The following UNC13C variants were observed in gnomAD, a reference collection of about 807,000 sequenced individuals.
UNC13C encodes protein unc-13 homolog C.
In UNC13C, 174 loss-of-function variants were observed where a neutral mutation model predicts 245.4. The ratio of observed to expected loss-of-function variants is 0.71; its 90% CI spans 0.63 to 0.80. The LOEUF (loss-of-function observed/expected upper bound fraction) is 0.80, where lower values mean the gene tolerates loss of function less well. Among genes scored for constraint, UNC13C ranks in the 30% least tolerant of loss-of-function variants. The pLI is 0.00. For missense variants in UNC13C, 2,829 were observed against 2,602.9 expected, an observed-to-expected ratio of 1.09 and a Z score of -1.89; for synonymous variants, 992 against 895.1, an observed-to-expected ratio of 1.11 and a Z score of -1.93.
chr15:54,466,574 A>G (rs752356811), intron 19 of UNC13C, among the ~76,000 whole-genome samples: 49 of 151,906 alleles, frequency 3.2e-4, no homozygotes, highest in Admixed American at 2.6e-4. Context: ...AAGTAAATTG[A>G]TCTTGAGACA....
chr15:54,624,804 G>A (rs1172078615), intron 32 of UNC13C, among the ~76,000 whole-genome samples: 2 of 151,980 alleles, frequency 1.3e-5, no homozygotes, highest in Admixed American at 6.6e-5. Context: ...AGTAATTCCC[G>A]AAAACACTCA....
chr15:54,628,370 C>A lies in UNC13C; in HGVS notation c.*1257C>A, dbSNP rs893690905. ...CTACTTACAGAAGCAGAAACAAGAG[C>A]CTGTTATGATTGTGCTTTGTGAACA... On this transcript the variant is annotated 3_prime_UTR_variant, in exon 33 of 33. Coordinates refer to ENST00000260323, the MANE Select transcript of UNC13C (RefSeq NM_001080534.3). The A allele has an allele frequency of 6.6e-6, 1 of 152,272 alleles. No homozygotes were observed. The highest frequency in any genetic ancestry group is 1.5e-5 in the Non-Finnish European group (1 of 67,960). 9.4% of individuals were successfully genotyped at this position (152,272 alleles called of 1,614,324 possible).
the UNC13C span, among the ~76,000 whole-genome samples, chr15:53,895,461 G>C: frequency 1.3e-5 from 2 of 150,976 alleles, no homozygotes; most frequent in African/African-American, 4.9e-5. Context: ...GTAAATCTTA[G>C]AAGAGATCAT....
chr15:54,361,904 G>C (rs936615697), intron 17 of UNC13C, among the ~76,000 whole-genome samples: 1 of 146,198 alleles, frequency 6.8e-6, no homozygotes, highest in Admixed American at 6.7e-5. Context: ...TTGCTGTCCT[G>C]CTATTTTTTT....
At chr15:53,854,122 G>GTTTTTTTTTTT in the UNC13C span, among the ~76,000 whole-genome samples, 128 of 133,518 alleles carry the variant, frequency 9.6e-4, 4 homozygotes, top group East Asian at 2.4e-3. Context: ...GTTTTTATAG[G>GTTTTTTTTTTT]TTTTTTTTTT....
At chr15:54,455,199 CTCTCTCTATATA>C (rs1460042473) in intron 19 of UNC13C, among the ~76,000 whole-genome samples, 13 of 38,762 alleles carry the variant, frequency 3.4e-4, no homozygotes, top group African/African-American at 5.8e-4. Flanking sequence ...CTCTCTCTCT[CTCTCTCTATATA>C]TATATATATA....
At chr15:54,499,672 A>T (rs1362701364) in intron 20 of UNC13C, among the ~76,000 whole-genome samples, 1 of 152,172 alleles carries the variant, frequency 6.6e-6, no homozygotes, top group Admixed American at 6.6e-5. Context: ...ATAACTAAGG[A>T]GTCTGAGGTA....
At position 54,581,131 on chromosome 15, in the gene UNC13C, G is replaced by A. The variant is rs150740840; in HGVS notation, c.6106+13184G>A. On this transcript the variant is annotated intron_variant, in intron 30 of 32. Coordinates refer to ENST00000260323, the MANE Select transcript of UNC13C (RefSeq NM_001080534.3). ...TAAAGATAAAGAGTAGAGGCTTTCA[G>A]AAGGGGAGAGATGACTGTGATGGGA... Among the ~76,000 whole-genome samples the A allele has an allele frequency of 2.2e-3, 336 of 152,320 alleles. 2 individuals carry two copies. Among genetic ancestry groups the A allele is most frequent in the African/African-American group, 7.9e-3 (327 of 41,570 alleles).
At chr15:53,978,015 C>A (rs1048040358), upstream of UNC13C, among the ~76,000 whole-genome samples, 4 of 152,174 alleles carry the variant, frequency 2.6e-5, no homozygotes, top group Admixed American at 6.5e-5. Flanking sequence ...ATACAGGGTC[C>A]TGTTAGCTGC....
chr15:53,846,750 C>T, the UNC13C span, among the ~76,000 whole-genome samples: 1 of 152,080 alleles, frequency 6.6e-6, no homozygotes, highest in Non-Finnish European at 1.5e-5. Flanking sequence ...TATCCTAATC[C>T]AACTTATTTT....
At chr15:54,128,343 A>T (rs2031192090) in intron 2 of UNC13C, among the ~76,000 whole-genome samples, 1 of 152,182 alleles carries the variant, frequency 6.6e-6, no homozygotes, top group South Asian at 2.1e-4. Context: ...TTATATCCTT[A>T]ACTTATTTGC....
chr15:54,566,838 A>G (rs1897536860), intron 29 of UNC13C, among the ~76,000 whole-genome samples: 1 of 152,120 alleles, frequency 6.6e-6, no homozygotes, highest in African/African-American at 2.4e-5. Flanking sequence ...GCGTCTCTGA[A>G]TAATTTCTTG....
chr15:54,000,507 T>C (rs915860281), intron 1 of UNC13C, among the ~76,000 whole-genome samples: 1 of 152,096 alleles, frequency 6.6e-6, no homozygotes, highest in African/African-American at 2.4e-5. Flanking sequence ...AATCTAAGAG[T>C]AAAACCAATT....
chr15:54,320,676 C>A, intron 13 of UNC13C: 1 of 331,112 alleles, frequency 3.0e-6, no homozygotes, highest in Non-Finnish European at 5.8e-6. Flanking sequence ...GCTTCCTTGT[C>A]ACTTCTCTGG....
At chr15:53,881,107 C>T in the UNC13C span, among the ~76,000 whole-genome samples, 1 of 152,018 alleles carries the variant, frequency 6.6e-6, no homozygotes, top group African/African-American at 2.4e-5. Flanking sequence ...CATTTAAGGG[C>T]TGCATTAACT....
chr15:54,368,047 G>A (rs979315556), intron 17 of UNC13C, among the ~76,000 whole-genome samples: 1 of 152,090 alleles, frequency 6.6e-6, no homozygotes, highest in Non-Finnish European at 1.5e-5. Flanking sequence ...GAGACTTTCA[G>A]GGTAATGCAA....
intron 19 of UNC13C, among the ~76,000 whole-genome samples, chr15:54,473,890 T>C (rs1250633072): frequency 1.5e-5 from 2 of 134,766 alleles, no homozygotes; most frequent in Non-Finnish European, 3.2e-5. Flanking sequence ...TCCTACCTTG[T>C]CACCCTTCTG....
At chr15:54,043,576 T>G (rs1350349280) in intron 2 of UNC13C, among the ~76,000 whole-genome samples, 1 of 152,200 alleles carries the variant, frequency 6.6e-6, no homozygotes, top group Admixed American at 6.5e-5. Flanking sequence ...ACAGAGGAGT[T>G]TGTAAACATC....
intron 31 of UNC13C, 35 bp downstream of exon 31, chr15:54,622,454 T>C (rs767993132): frequency 6.8e-7 from 1 of 1,480,154 alleles, no homozygotes; most frequent in Non-Finnish European, 9.4e-7. Flanking sequence ...AAAACAGCCT[T>C]CTAAACTTCT....
Sources: allele counts gnomAD v4.1 joint callset (sites outside exome capture counted in the v4.1 genomes callset), GRCh38; gene constraint gnomAD v4.1.1; transcripts MANE v1.5; gene names NCBI Gene and HGNC (gene_info 2026-07-23, HGNC 2026-07-21).